CCDC25: variants seen among roughly 807,000 people sequenced by gnomAD.
The protein encoded by CCDC25 is coiled-coil domain containing 25, also known as coiled-coil domain-containing protein 25.
A neutral mutation model predicts 35.3 loss-of-function variants in CCDC25; 16 were observed. That is an observed-to-expected ratio of 0.45 (90% confidence interval 0.31 to 0.69). CCDC25 has a LOEUF of 0.69. Ranked by LOEUF, CCDC25 falls within the 30% of genes least tolerant of loss-of-function variation. The pLI, the probability that CCDC25 is intolerant of heterozygous loss-of-function variation, is 0.06. For missense variants in CCDC25, 179 were observed against 250.7 expected, an observed-to-expected ratio of 0.71 and a Z score of 1.93; for synonymous variants, 79 against 80.3, an observed-to-expected ratio of 0.98 and a Z score of 0.09.
chr8:27,748,471 C>T, intron 6 of CCDC25, 24 bp downstream of exon 6: 1 of 1,568,990 alleles, frequency 6.4e-7, no homozygotes, highest in Non-Finnish European at 8.8e-7. Context: ...GGCTCCGCCT[C>T]CTTCAGTGGC....
At chr8:27,767,175 G>A (rs1585377176) in intron 1 of CCDC25, among the ~76,000 whole-genome samples, 1 of 152,216 alleles carries the variant, frequency 6.6e-6, no homozygotes. Context: ...AGACCAGCCC[G>A]GCCAACATGT....
intron 3 of CCDC25, among the ~76,000 whole-genome samples, 153 bp from the exon 4 acceptor site, chr8:27,756,923 C>G (rs1804025803): frequency 6.6e-6 from 1 of 152,148 alleles, no homozygotes; most frequent in Admixed American, 6.5e-5. Context: ...GTCACCACCT[C>G]CAAAGGGCTC....
In CCDC25 at chr8:27,737,903, C is replaced by G. The variant is rs1372358100; in HGVS notation, c.598-1658G>C. On this transcript the variant is annotated intron_variant, in intron 8 of 8. Coordinates refer to ENST00000356537, the MANE Select transcript of CCDC25 (RefSeq NM_018246.3). The surrounding 1 kb of genome is among the most constrained non-coding windows in gnomAD (Gnocchi z 4.6). ...ACACACTCACACACACACACACACACACACACACACAAAGGAATACTATGC... is the reference window on the plus strand; with the variant it reads ...ACACACTCACACACACACACACACAGACACACACACAAAGGAATACTATGC... Among the ~76,000 whole-genome samples, 1 of 151,774 alleles carries G rather than the reference C, an allele frequency of 6.6e-6. No individual in the cohort carries two copies. The highest frequency in any genetic ancestry group is 1.9e-4 in the East Asian group (1 of 5,192).
At chr8:27,770,099 A>G (rs1395857797) in intron 1 of CCDC25, among the ~76,000 whole-genome samples, 1 of 152,050 alleles carries the variant, frequency 6.6e-6, no homozygotes, top group Non-Finnish European at 1.5e-5. Context: ...AACTGAGATC[A>G]CACCACCGTA....
At chr8:27,741,992 A>G (rs1196131550) in intron 7 of CCDC25, among the ~76,000 whole-genome samples, 1 of 152,238 alleles carries the variant, frequency 6.6e-6, no homozygotes, top group Non-Finnish European at 1.5e-5. Context: ...ATTTGAGGGC[A>G]TGAATCCCTG....
intron 7 of CCDC25, among the ~76,000 whole-genome samples, chr8:27,745,067 C>T (rs1803560347): frequency 6.6e-6 from 1 of 152,124 alleles, no homozygotes; most frequent in African/African-American, 2.4e-5. Flanking sequence ...ATGCAGTGAG[C>T]TCACTGCAGC....
intron 5 of CCDC25, among the ~76,000 whole-genome samples, chr8:27,750,473 T>G (rs1051991792): frequency 6.6e-6 from 1 of 152,142 alleles, no homozygotes; most frequent in Non-Finnish European, 1.5e-5. Context: ...GTGTTAGCAA[T>G]TACTACCACC....
intron 1 of CCDC25, among the ~76,000 whole-genome samples, chr8:27,769,913 G>A (rs1032351498): frequency 2.0e-5 from 3 of 152,230 alleles, no homozygotes; most frequent in South Asian, 2.1e-4. Flanking sequence ...AGGCCGAGGC[G>A]GGTGGATCAC....
chr8:27,772,510 C>A lies in CCDC25; in HGVS notation c.28+3G>T. ...GGTCCAGGAGGACGTGGCGCCCACT[C>A]ACCGCTGCTGCTGGTGAAGTAGAAC... On this transcript the variant is annotated splice_donor_region_variant and intron_variant, in intron 1 of 8. Coordinates refer to ENST00000356537, the MANE Select transcript of CCDC25 (RefSeq NM_018246.3). The A allele has an allele frequency of 6.5e-7, 1 of 1,550,092 alleles. No individual in the cohort carries two copies. The highest frequency in any genetic ancestry group is 8.7e-7 in the Non-Finnish European group (1 of 1,146,724).
At chr8:27,740,350 G>C in intron 8 of CCDC25, 122 bp downstream of exon 8, 1 of 876,852 alleles carries the variant, frequency 1.1e-6, no homozygotes, top group South Asian at 1.6e-5. Context: ...GTGGTGTCCT[G>C]GTTGCCAAAT....
chr8:27,751,391 T>C (rs1046152770), intron 5 of CCDC25, among the ~76,000 whole-genome samples: 2 of 152,244 alleles, frequency 1.3e-5, no homozygotes, highest in African/African-American at 2.4e-5. Context: ...TGTTAACTTA[T>C]AGAGTTGAAA....
At chr8:27,759,686 A>G (rs887517517) in intron 3 of CCDC25, among the ~76,000 whole-genome samples, 2 of 149,608 alleles carry the variant, frequency 1.3e-5, no homozygotes, top group Non-Finnish European at 3.0e-5. Context: ...AGGCTGAGGC[A>G]GGAGAATAGC....
intron 1 of CCDC25, among the ~76,000 whole-genome samples, chr8:27,765,652 A>T (rs1338305310): frequency 2.0e-5 from 3 of 152,082 alleles, no homozygotes; most frequent in Non-Finnish European, 4.4e-5. Context: ...AAGAAAAGAA[A>T]ACTAAACACC....
chr8:27,746,056 G>T (rs531476916), intron 7 of CCDC25, among the ~76,000 whole-genome samples: 1 of 152,270 alleles, frequency 6.6e-6, no homozygotes, highest in East Asian at 1.9e-4. Context: ...TTAAATGCTT[G>T]TAATTTTTGA....
At chr8:27,748,308 G>T (rs750922064) in intron 6 of CCDC25, 29 bp from the exon 7 acceptor site, 6 of 1,582,706 alleles carry the variant, frequency 3.8e-6, no homozygotes, top group South Asian at 1.1e-5. Flanking sequence ...AAAAGATATT[G>T]CATCTTTTTG....
intron 4 of CCDC25, chr8:27,754,778 A>T (rs1317706410): frequency 6.6e-6 from 1 of 152,314 alleles, no homozygotes; most frequent in South Asian, 2.1e-4. Flanking sequence ...CATGGAAAAC[A>T]ATGTTTTGAT....
rs147009100 is a variant in CCDC25 at position 27,769,267 on chromosome 8, T to C, written c.28+3246A>G. On this transcript the variant is annotated intron_variant, in intron 1 of 8. Transcript: ENST00000356537. ...TAGGCTTAGAGGCCAAATATTTTTC[T>C]AACAGGAAACAGTTCTGACATTATA... 7.8e-4 allele frequency among the ~76,000 whole-genome samples: 118 copies of C among 152,250 alleles called. 1 individual carries two copies. The highest frequency in any genetic ancestry group is 2.8e-3 in the African/African-American group (116 of 41,530).
At chr8:27,768,368 C>A (rs2128948023) in intron 1 of CCDC25, among the ~76,000 whole-genome samples, 1 of 152,068 alleles carries the variant, frequency 6.6e-6, no homozygotes, top group African/African-American at 2.4e-5. Context: ...AGTTCAAGAC[C>A]AGCCTGGCCA....
At chr8:27,753,742 TC>T (rs1191866150) in intron 4 of CCDC25, among the ~76,000 whole-genome samples, 2 of 152,210 alleles carry the variant, frequency 1.3e-5, no homozygotes, top group Non-Finnish European at 2.9e-5. Context: ...ATTTATTTTC[TC>T]TAAATCTAAT....
Sources: allele counts gnomAD v4.1 joint callset (sites outside exome capture counted in the v4.1 genomes callset), GRCh38; gene constraint gnomAD v4.1.1; non-coding constraint Gnocchi (gnomAD v3.1); transcripts MANE v1.5; gene names NCBI Gene and HGNC (gene_info 2026-07-23, HGNC 2026-07-21).